The following SLC36A2 variants were observed in gnomAD, a reference collection of about 807,000 sequenced individuals.
SLC36A2 encodes the protein solute carrier family 36 member 2, also known as proton-coupled amino acid transporter 2.
In SLC36A2, 39 loss-of-function variants were observed where a neutral mutation model predicts 42.7. That is an observed-to-expected ratio of 0.91 (90% CI 0.71 to 1.19). The LOEUF is 1.19. SLC36A2 is among the 50% of genes most tolerant of loss of function. The pLI is 0.00. For missense variants in SLC36A2, 590 were observed against 613.7 expected, an observed-to-expected ratio of 0.96 and a Z score of 0.41; for synonymous variants, 237 against 240.8, an observed-to-expected ratio of 0.98 and a Z score of 0.15.
intron 9 of SLC36A2, chr5:151,319,819 G>C (rs1300564899): frequency 6.6e-6 from 1 of 152,494 alleles, no homozygotes; most frequent in Admixed American, 6.5e-5. Context: ...CCACAGATTG[G>C]CATTTTAGAT....
At chr5:151,319,234 G>A (rs1755611625) in intron 9 of SLC36A2, 1 of 532,702 alleles carries the variant, frequency 1.9e-6, no homozygotes, top group Non-Finnish European at 2.4e-6. Flanking sequence ...ATGAAGAAGT[G>A]TAGTGTAGGC....
chr5:151,316,700 A>G lies in SLC36A2; in HGVS notation c.*117T>C, dbSNP rs13165455. 5.5e-6 allele frequency: 7 copies of G among 1,279,642 alleles called. No individual in the cohort carries two copies. The highest frequency in any genetic ancestry group is 1.7e-5 in the African/African-American group (1 of 58,560). 79.3% of individuals were successfully genotyped at this position (1,279,642 alleles called of 1,614,324 possible). ...AGTTGTGGTGAGCTGAGATCGCATC[A>G]TTGTACTCCAGTCTGGGCAACAAGA... On this transcript the variant is annotated 3_prime_UTR_variant, in exon 10 of 10. Transcript: ENST00000335244.
At chr5:151,326,251 C>T (rs927256502) in intron 7 of SLC36A2, among the ~76,000 whole-genome samples, 3 of 152,200 alleles carry the variant, frequency 2.0e-5, no homozygotes, top group African/African-American at 4.8e-5. Flanking sequence ...CACAGTCTTT[C>T]GACAATTGAA....
At chr5:151,331,539 A>G (rs776122099) in intron 7 of SLC36A2, among the ~76,000 whole-genome samples, 6 of 151,806 alleles carry the variant, frequency 4.0e-5, no homozygotes, top group Admixed American at 6.6e-5. Context: ...GGCTGGTCTC[A>G]AACTCCTGCC....
At chr5:151,320,434 G>A (rs1755653384) in intron 9 of SLC36A2, among the ~76,000 whole-genome samples, 1 of 151,886 alleles carries the variant, frequency 6.6e-6, no homozygotes, top group South Asian at 2.1e-4. Context: ...ATGGACAGAT[G>A]AATGGATAAA....
chr5:151,337,391 G>A (rs965254899), intron 5 of SLC36A2, among the ~76,000 whole-genome samples: 1 of 152,092 alleles, frequency 6.6e-6, no homozygotes, highest in Non-Finnish European at 1.5e-5. Flanking sequence ...CTGACCTCAC[G>A]TTGTTGTTGT....
intron 4 of SLC36A2, among the ~76,000 whole-genome samples, chr5:151,339,434 C>T (rs1320102917): frequency 6.6e-6 from 1 of 152,118 alleles, no homozygotes; most frequent in Admixed American, 6.5e-5. Flanking sequence ...CCTCAGCCTC[C>T]CTAGTAGCTG....
intron 4 of SLC36A2, among the ~76,000 whole-genome samples, chr5:151,340,918 C>G (rs937817928): frequency 2.6e-5 from 4 of 152,126 alleles, no homozygotes; most frequent in African/African-American, 9.7e-5. Flanking sequence ...ATTCAGTAGA[C>G]ATTTGTTGAA....
intron 7 of SLC36A2, among the ~76,000 whole-genome samples, chr5:151,329,805 GA>G (rs2127291841): frequency 6.6e-6 from 1 of 152,300 alleles, no homozygotes; most frequent in South Asian, 2.1e-4. Context: ...AAACCTGTGG[GA>G]TATACAGTTG....
At chr5:151,322,465 T>C (rs757194111) in intron 8 of SLC36A2, among the ~76,000 whole-genome samples, 8 of 152,212 alleles carry the variant, frequency 5.3e-5, no homozygotes, top group Non-Finnish European at 7.3e-5. Context: ...CATCTTGAGC[T>C]TGAGTATGTA....
At chr5:151,339,772 T>C (rs993922443) in intron 4 of SLC36A2, among the ~76,000 whole-genome samples, 1 of 152,236 alleles carries the variant, frequency 6.6e-6, no homozygotes, top group Admixed American at 6.5e-5. Flanking sequence ...AATGTTTTTA[T>C]TAGCTACCAT....
chr5:151,326,149 G>A lies in SLC36A2; in HGVS notation c.844-697C>T, dbSNP rs142906213. ...TCTGATGAGCCCTGGACCCTTAAGA[G>A]CTGGAAGGGCCACTGAGGTTTTATC... On this transcript the variant is annotated intron_variant, in intron 7 of 9. Coordinates refer to ENST00000335244, the MANE Select transcript of SLC36A2 (RefSeq NM_181776.3). Among the ~76,000 whole-genome samples, 452 of 152,272 alleles carry A rather than the reference G, an allele frequency of 3.0e-3. 2 individuals are homozygous for A. Among genetic ancestry groups the A allele is most frequent in the African/African-American group, 0.01 (431 of 41,552 alleles).
chr5:151,347,427 C>T lies in SLC36A2; in HGVS notation c.34G>A (p.Gly12Arg). Reference protein sequence around the residue: ...SVTKSTEGPQGAVAIKLDLMS... With the variant: ...SVTKSTEGPQRAVAIKLDLMS... ...AGGTCCAATTTGATGGCAACGGCTC[C>T]CTGGGGACCCTCAGTACTTTTTGTC... The change falls in exon 1 of 10, where the codon GGA (glycine) becomes AGA (arginine). Residue 12 changes from glycine (G) to arginine (R), a missense_variant. Physicochemically the swap from Gly to Arg is moderately radical, Grantham distance 125. Coordinates refer to ENST00000335244, the MANE Select transcript of SLC36A2 (RefSeq NM_181776.3). 1 of 1,614,156 alleles carries T rather than the reference C, an allele frequency of 6.2e-7. No individual in the cohort carries two copies. Among genetic ancestry groups the T allele is most frequent in the Non-Finnish European group, 8.5e-7 (1 of 1,180,042 alleles).
intron 1 of SLC36A2, among the ~76,000 whole-genome samples, chr5:151,345,594 G>A (rs1756469624): frequency 6.7e-6 from 1 of 149,800 alleles, no homozygotes; most frequent in Admixed American, 6.6e-5. Context: ...TTCTCCCTGT[G>A]GGTGTCCACA....
chr5:151,317,294 A>C (rs914377526), intron 9 of SLC36A2, among the ~76,000 whole-genome samples: 3 of 152,082 alleles, frequency 2.0e-5, no homozygotes, highest in African/African-American at 7.2e-5. Flanking sequence ...TCTACTAAAA[A>C]TACAAAAATC....
In SLC36A2 at chr5:151,347,438, T is replaced by G. The variant is rs774403104; in HGVS notation, c.23A>C (p.Glu8Ala). 35 of 1,614,110 alleles carry G rather than the reference T, an allele frequency of 2.2e-5. No homozygotes were observed. The highest frequency in any genetic ancestry group is 3.0e-5 in the Non-Finnish European group (35 of 1,180,022). MSVTKST[E>A]GPQGAVAIKL... ...GATGGCAACGGCTCCCTGGGGACCC[T>G]CAGTACTTTTTGTCACAGACATGAC... Residue 8 changes from glutamate (E) to alanine (A), a missense_variant, in exon 1 of 10, where the codon GAG becomes GCG. Coordinates refer to ENST00000335244, the MANE Select transcript of SLC36A2 (RefSeq NM_181776.3).
intron 7 of SLC36A2, among the ~76,000 whole-genome samples, chr5:151,325,896 T>TA (rs2127288963): frequency 6.6e-6 from 1 of 152,232 alleles, no homozygotes; most frequent in Admixed American, 6.5e-5. Context: ...AGTTATTGTT[T>TA]AATGGGTACA....
At chr5:151,327,646 A>G (rs1755889207) in intron 7 of SLC36A2, among the ~76,000 whole-genome samples, 1 of 152,130 alleles carries the variant, frequency 6.6e-6, no homozygotes, top group Non-Finnish European at 1.5e-5. Context: ...AGACAATCCA[A>G]CCTGAGCTCT....
In SLC36A2 at chr5:151,316,016, T is replaced by G. The variant is rs2127280975; in HGVS notation, c.*801A>C. On this transcript the variant is annotated 3_prime_UTR_variant, in exon 10 of 10. Transcript: ENST00000335244. ...TCTGAGAGTTTTCACACTGGTCATCTTGGCCCTACCCATCTCAACACTGGA... is the reference window on the plus strand; with the variant it reads ...TCTGAGAGTTTTCACACTGGTCATCGTGGCCCTACCCATCTCAACACTGGA... The G allele has an allele frequency of 6.6e-6, 1 of 152,386 alleles. No homozygotes were observed. The highest frequency in any genetic ancestry group is 2.4e-5 in the African/African-American group (1 of 41,594). The allele number at this position is 152,386 out of a possible 1,614,324, so 9.4% of individuals were successfully genotyped here.
Sources: allele counts gnomAD v4.1 joint callset (sites outside exome capture counted in the v4.1 genomes callset), GRCh38; gene constraint gnomAD v4.1.1; transcripts MANE v1.5; gene names NCBI Gene and HGNC (gene_info 2026-07-23, HGNC 2026-07-21).